Variants in DDX10 observed in about 807,000 individuals in gnomAD.
DDX10 encodes probable ATP-dependent RNA helicase DDX10.
Under a neutral mutation model 104.3 loss-of-function variants are expected in DDX10, and 74 were observed. The ratio of observed to expected loss-of-function variants is 0.71; its 90% CI spans 0.59 to 0.86. The LOEUF is 0.86. Among genes scored for constraint, DDX10 ranks in the 40% least tolerant of loss-of-function variants. DDX10 has a pLI of 0.00. For synonymous variants in DDX10, 351 were observed against 353.4 expected (o/e 0.99, Z 0.08); for missense variants, 952 against 1,040.0 (o/e 0.92, Z 1.16).
At chr11:108,844,747 G>C (rs958968695) in intron 15 of DDX10, among the ~76,000 whole-genome samples, 1 of 152,166 alleles carries the variant, frequency 6.6e-6, no homozygotes, top group African/African-American at 2.4e-5. Context: ...GGGAGTAGGA[G>C]TGGGACTTAG....
chr11:108,817,770 A>C (rs1862274574), intron 13 of DDX10, among the ~76,000 whole-genome samples: 1 of 152,264 alleles, frequency 6.6e-6, no homozygotes. Flanking sequence ...AATAGAAAAC[A>C]GGAGGGCATG....
Position 108,718,711 on chromosome 11 carries a change from C to T in DDX10, c.1411-1086C>T, listed in dbSNP as rs142816604. On this transcript the variant is annotated intron_variant, in intron 11 of 17. Coordinates refer to ENST00000322536, the MANE Select transcript of DDX10 (RefSeq NM_004398.4). ...ACGCATGGTTTAGCAGAATGGCCAA[C>T]TGTGTTGCCAGCAGCAGCAAGCTAT... Among the ~76,000 whole-genome samples the T allele has an allele frequency of 6.6e-5, 10 of 152,322 alleles. No homozygotes were observed. The East Asian group carries it at 1.9e-3, about 29-fold the overall frequency.
intron 11 of DDX10, 57 bp from the exon 12 acceptor site, chr11:108,719,740 G>C (rs990718515): frequency 6.5e-6 from 7 of 1,083,930 alleles, no homozygotes; most frequent in Non-Finnish European, 9.6e-6. Flanking sequence ...TTATATTTTG[G>C]TCTAAACTCA....
chr11:108,740,934 C>G (rs2094324407), intron 13 of DDX10, among the ~76,000 whole-genome samples: 1 of 151,996 alleles, frequency 6.6e-6, no homozygotes. Flanking sequence ...TTTATAGTTT[C>G]AGGTTTTACA....
At chr11:108,920,610 G>A (rs989548339) in intron 17 of DDX10, 3 of 152,194 alleles carry the variant, frequency 2.0e-5, no homozygotes, top group African/African-American at 7.2e-5. Flanking sequence ...GGACAGATCA[G>A]TGTGATCTTT....
Position 108,703,000 on chromosome 11 carries a change from T to C in DDX10, c.1224-3739T>C, listed in dbSNP as rs1387413687. 9.2e-4 allele frequency among the ~76,000 whole-genome samples: 140 copies of C among 152,354 alleles called. 2 individuals are homozygous for C. Among genetic ancestry groups the C allele is most frequent in the Non-Finnish European group, 7.3e-5 (5 of 68,034 alleles). On this transcript the variant is annotated intron_variant, in intron 9 of 17. Transcript: ENST00000322536. ...CTGCATAAATTAAATATAGTATTGA[T>C]ATTGATGGCAAAAATGAAATTTTGT...
chr11:108,731,859 AT>A (rs1375143079), intron 13 of DDX10, among the ~76,000 whole-genome samples: 1 of 152,122 alleles, frequency 6.6e-6, no homozygotes, highest in African/African-American at 2.4e-5. Flanking sequence ...TAATACTATC[AT>A]TTGCACATAT....
rs2094300926 is a variant in DDX10, at chr11:108,723,259, G to A, written c.1762G>A (p.Asp588Asn). Residue 588 changes from aspartate to asparagine, a missense_variant, in exon 13 of 18, where the codon GAT becomes AAT. By Grantham distance (23) the Asp-to-Asn change is conservative. This residue lies in a region of DDX10 where 533 missense variants were observed against 534.1 expected (regional missense o/e 1.00). Transcript: ENST00000322536. ...TGAAGAACAGGAAGAAGAAGAAGACGATGAAGAAGAAATGGAAGAGAAACT... is the reference window on the plus strand; with the variant it reads ...TGAAGAACAGGAAGAAGAAGAAGACAATGAAGAAGAAATGGAAGAGAAACT... ...GNEEQEEEED[D>N]EEEMEEKLAK... is the part of the protein sequence containing the mutation. 2 of 1,613,310 alleles carry A rather than the reference G, an allele frequency of 1.2e-6. No individual in the cohort carries two copies. Among genetic ancestry groups the A allele is most frequent in the Non-Finnish European group, 1.7e-6 (2 of 1,179,718 alleles).
At chr11:108,799,523 T>C (rs1861989445) in intron 13 of DDX10, among the ~76,000 whole-genome samples, 1 of 152,234 alleles carries the variant, frequency 6.6e-6, no homozygotes, top group Non-Finnish European at 1.5e-5. Flanking sequence ...GACTGTTTTC[T>C]TAGTTTTCCC....
At chr11:108,761,363 A>AT (rs1591811568) in intron 13 of DDX10, among the ~76,000 whole-genome samples, 2 of 151,946 alleles carry the variant, frequency 1.3e-5, no homozygotes, top group Admixed American at 6.6e-5. Context: ...GCGCCTCTAA[A>AT]TTTTTTTTGT....
At chr11:108,831,520 CTTCT>C (rs899485449) in intron 13 of DDX10, among the ~76,000 whole-genome samples, 1 of 148,852 alleles carries the variant, frequency 6.7e-6, no homozygotes, top group Non-Finnish European at 1.5e-5. Context: ...AGTGTTGACT[CTTCT>C]TTATTTTGTT....
At chr11:108,803,422 C>T (rs1862052289) in intron 13 of DDX10, among the ~76,000 whole-genome samples, 1 of 151,812 alleles carries the variant, frequency 6.6e-6, no homozygotes, top group South Asian at 2.1e-4. Flanking sequence ...GGAGAAACCC[C>T]ATCTCTACTA....
At chr11:108,745,226 CTTCCCTTTCT>C (rs2094330369) in intron 13 of DDX10, among the ~76,000 whole-genome samples, 3 of 140,390 alleles carry the variant, frequency 2.1e-5, no homozygotes, top group Admixed American at 1.5e-4. Flanking sequence ...CTTTCCTTTC[CTTCCCTTTCT>C]CTTTCCCTTC....
At chr11:108,708,352 T>C (rs1447119262) in intron 10 of DDX10, among the ~76,000 whole-genome samples, 1 of 150,970 alleles carries the variant, frequency 6.6e-6, no homozygotes, top group African/African-American at 2.4e-5. Context: ...AGGTCTTTTT[T>C]TTTTTTTTTT....
chr11:108,687,033 C>T (rs2094245221), intron 6 of DDX10, among the ~76,000 whole-genome samples: 2 of 152,278 alleles, frequency 1.3e-5, no homozygotes, highest in South Asian at 2.1e-4. Flanking sequence ...GATCTGCCTG[C>T]CTCAGCCTCC....
chr11:108,837,806 A>G (rs539783920), intron 13 of DDX10, among the ~76,000 whole-genome samples: 6 of 151,446 alleles, frequency 4.0e-5, no homozygotes, highest in Admixed American at 1.3e-4. Flanking sequence ...TATTTTTAGT[A>G]GAGATGGGGT....
In DDX10 at chr11:108,723,123, T is replaced by C. The variant is rs2094300643; in HGVS notation, c.1626T>C (p.Asn542=). The change falls in exon 13 of 18, where the codon AAT becomes AAC. Residue 542 remains asparagine (N), a synonymous_variant. Transcript: ENST00000322536. ...VIEPRAPSLT[N]DEVEEFRAYF... is the part of the protein sequence containing the mutation. Reference sequence around the variant, plus strand: ...AGCCAAGGGCTCCCTCCCTCACCAATGACGAAGTGGAAGAATTTAGAGCCT... The same window carrying C: ...AGCCAAGGGCTCCCTCCCTCACCAACGACGAAGTGGAAGAATTTAGAGCCT... The C allele has an allele frequency of 6.2e-7, 1 of 1,613,802 alleles. No homozygotes were observed. The highest frequency in any genetic ancestry group is 1.1e-5 in the South Asian group (1 of 91,072).
chr11:108,928,256 G>A (rs2134673322), intron 17 of DDX10, among the ~76,000 whole-genome samples: 1 of 152,254 alleles, frequency 6.6e-6, no homozygotes, highest in East Asian at 1.9e-4. Flanking sequence ...TCGCTACATG[G>A]AATAATATAT....
intron 13 of DDX10, among the ~76,000 whole-genome samples, chr11:108,787,101 A>C (rs1861804816): frequency 6.6e-6 from 1 of 152,166 alleles, no homozygotes; most frequent in Non-Finnish European, 1.5e-5. Flanking sequence ...TCACTTACAA[A>C]GCTTAGATTG....
Sources: allele counts gnomAD v4.1 joint callset (sites outside exome capture counted in the v4.1 genomes callset), GRCh38; gene constraint gnomAD v4.1.1; regional missense constraint gnomAD v4.1.1; transcripts MANE v1.5; gene names NCBI Gene and HGNC (gene_info 2026-07-23, HGNC 2026-07-21).